The following GLYATL2 variants were observed in gnomAD, a reference collection of about 807,000 sequenced individuals.
GLYATL2 encodes glycine N-acyltransferase-like protein 2.
GLYATL2 carries 25 observed loss-of-function variants against 21.4 expected under a neutral mutation model. That is an observed-to-expected ratio of 1.17 (90% CI 0.85 to 1.63). The LOEUF is 1.63. GLYATL2 is among the 40% of genes most tolerant of loss of function. The pLI, the probability that GLYATL2 is intolerant of heterozygous loss-of-function variation, is 0.00. For synonymous variants in GLYATL2, 114 were observed against 118.2 expected, an observed-to-expected ratio of 0.96 and a Z score of 0.23; for missense variants, 361 against 343.3, an observed-to-expected ratio of 1.05 and a Z score of -0.41.
chr11:58,899,980 G>C (rs1854707378), intron 1 of GLYATL2, among the ~76,000 whole-genome samples: 1 of 150,956 alleles, frequency 6.6e-6, no homozygotes, highest in African/African-American at 2.4e-5. Flanking sequence ...CCATCGAATT[G>C]TGTGGAACAA....
chr11:58,903,396 G>C (rs939950082), intron 1 of GLYATL2, among the ~76,000 whole-genome samples: 10 of 152,002 alleles, frequency 6.6e-5, no homozygotes, highest in Non-Finnish European at 1.0e-4. Context: ...TCTCAGGCCT[G>C]GTGCAGTGGC....
In GLYATL2 at chr11:58,837,410, A is replaced by T; in HGVS notation, c.187-13T>A. ...CATCTTTCATCTCCTGATATAACAAATATCAATTATATTTACATAGCGCTA... is the reference window on the plus strand; with the variant it reads ...CATCTTTCATCTCCTGATATAACAATTATCAATTATATTTACATAGCGCTA... On this transcript the variant is annotated splice_polypyrimidine_tract_variant and intron_variant, in intron 3 of 5. Coordinates refer to ENST00000287275, the MANE Select transcript of GLYATL2 (RefSeq NM_145016.4). 6.2e-7 allele frequency: 1 copy of T among 1,608,220 alleles called. No individual in the cohort carries two copies. The highest frequency in any genetic ancestry group is 8.5e-7 in the Non-Finnish European group (1 of 1,175,224).
At chr11:58,872,904 T>G (rs1344705450) in intron 1 of GLYATL2, among the ~76,000 whole-genome samples, 1 of 152,370 alleles carries the variant, frequency 6.6e-6, no homozygotes, top group South Asian at 2.1e-4. Context: ...ATATTGATTG[T>G]CCCTACCCAT....
At chr11:58,889,836 C>T (rs1053408548) in intron 1 of GLYATL2, among the ~76,000 whole-genome samples, 6 of 152,070 alleles carry the variant, frequency 3.9e-5, no homozygotes, top group Admixed American at 3.9e-4. Context: ...CCAGATTTGG[C>T]ATTAGGAGCT....
At chr11:58,861,255 A>C (rs578074542) in intron 1 of GLYATL2, among the ~76,000 whole-genome samples, 85 of 151,876 alleles carry the variant, frequency 5.6e-4, no homozygotes, top group African/African-American at 1.8e-3. Flanking sequence ...TTTTTTACTT[A>C]TTTAACGTCC....
At chr11:58,836,729 A>G (rs1384775744) in intron 5 of GLYATL2, among the ~76,000 whole-genome samples, 3 of 152,152 alleles carry the variant, frequency 2.0e-5, no homozygotes, top group Admixed American at 2.0e-4. Flanking sequence ...AGCATTTTGT[A>G]AGACATAAAT....
intron 1 of GLYATL2, among the ~76,000 whole-genome samples, chr11:58,892,055 T>C (rs1854553473): frequency 6.6e-6 from 1 of 152,200 alleles, no homozygotes. Flanking sequence ...TGGTCAGCAG[T>C]AGCTTATAGG....
chr11:58,860,016 A>G (rs572029844), intron 1 of GLYATL2, among the ~76,000 whole-genome samples: 1 of 152,030 alleles, frequency 6.6e-6, no homozygotes, highest in Non-Finnish European at 1.5e-5. Context: ...TTTCATTACT[A>G]TTGCTTCATA....
chr11:58,886,016 A>G (rs958870460), intron 1 of GLYATL2, among the ~76,000 whole-genome samples: 1 of 152,138 alleles, frequency 6.6e-6, no homozygotes, highest in Non-Finnish European at 1.5e-5. Context: ...GGAGTTTGAG[A>G]CCAGCCTGTG....
At chr11:58,895,042 C>G (rs1854611223) in intron 1 of GLYATL2, among the ~76,000 whole-genome samples, 1 of 152,154 alleles carries the variant, frequency 6.6e-6, no homozygotes, top group Non-Finnish European at 1.5e-5. Flanking sequence ...GGTCCTGTAT[C>G]CAGAAGAGGA....
intron 1 of GLYATL2, among the ~76,000 whole-genome samples, chr11:58,853,041 A>G (rs1853768397): frequency 1.3e-5 from 2 of 152,210 alleles, no homozygotes; most frequent in African/African-American, 4.8e-5. Context: ...ACGTGTAATC[A>G]AGAATCATTT....
chr11:58,870,925 C>G (rs1262551102), intron 1 of GLYATL2, among the ~76,000 whole-genome samples: 1 of 152,048 alleles, frequency 6.6e-6, no homozygotes, highest in Non-Finnish European at 1.5e-5. Context: ...ATGTGAGAGG[C>G]CATGAAGAAT....
At chr11:58,903,530 G>A (rs529941133) in intron 1 of GLYATL2, among the ~76,000 whole-genome samples, 66 of 152,066 alleles carry the variant, frequency 4.3e-4, no homozygotes, top group African/African-American at 1.5e-3. Context: ...AAAAGTATCC[G>A]GGCGTGGTGA....
intron 1 of GLYATL2, among the ~76,000 whole-genome samples, chr11:58,849,817 A>G (rs1439963273): frequency 6.6e-6 from 1 of 152,164 alleles, no homozygotes; most frequent in Non-Finnish European, 1.5e-5. Flanking sequence ...GGATAGTATT[A>G]GGAGAAATAC....
At chr11:58,893,959 T>C (rs1854590553) in intron 1 of GLYATL2, among the ~76,000 whole-genome samples, 1 of 152,198 alleles carries the variant, frequency 6.6e-6, no homozygotes, top group South Asian at 2.1e-4. Context: ...GTATTAAAGT[T>C]AAAGCCTAAG....
intron 1 of GLYATL2, among the ~76,000 whole-genome samples, chr11:58,858,860 T>C (rs1438197750): frequency 6.6e-6 from 1 of 152,176 alleles, no homozygotes; most frequent in Non-Finnish European, 1.5e-5. Context: ...TTCCAATTCT[T>C]GCTTTTCTGA....
intron 1 of GLYATL2, among the ~76,000 whole-genome samples, chr11:58,870,601 C>G (rs1590735980): frequency 6.6e-6 from 1 of 152,180 alleles, no homozygotes; most frequent in South Asian, 2.1e-4. Context: ...GTTTACCCTA[C>G]TTGGGGCACA....
At chr11:58,888,785 A>G (rs982157013) in intron 1 of GLYATL2, among the ~76,000 whole-genome samples, 1 of 151,922 alleles carries the variant, frequency 6.6e-6, no homozygotes, top group Admixed American at 6.6e-5. Context: ...AATTGCATAC[A>G]TTGTACATTA....
intron 1 of GLYATL2, among the ~76,000 whole-genome samples, chr11:58,882,300 G>A (rs1459009715): frequency 6.6e-6 from 1 of 152,272 alleles, no homozygotes; most frequent in African/African-American, 2.4e-5. Context: ...GTATCTCGTT[G>A]TGGTTTTGAT....
Sources: gnomAD v4.1 joint callset for allele counts (sites outside exome capture counted in the v4.1 genomes callset) on GRCh38, gnomAD v4.1.1 for gene constraint, MANE v1.5 for transcripts, NCBI Gene and HGNC (gene_info 2026-07-23, HGNC 2026-07-21) for gene names.